Variants in PSMB4 observed in about 807,000 individuals in gnomAD.
The protein encoded by PSMB4 is proteasome subunit beta type-4.
In PSMB4, 16 loss-of-function variants were observed where a neutral mutation model predicts 35.2. The ratio of observed to expected loss-of-function variants is 0.45; its 90% CI spans 0.31 to 0.69. The LOEUF is 0.69. Ranked by LOEUF, PSMB4 falls within the 30% of genes least tolerant of loss-of-function variation. The pLI is 0.06. For synonymous variants in PSMB4, 144 were observed against 134.1 expected (o/e 1.07, Z -0.51); for missense variants, 333 against 351.8 (o/e 0.95, Z 0.43).
intron 1 of PSMB4, 125 bp downstream of exon 1, chr1:151,399,852 C>A: frequency 6.4e-7 from 1 of 1,563,532 alleles, no homozygotes; most frequent in South Asian, 1.1e-5. Flanking sequence ...CAGGGGAGCT[C>A]AGGGCGCGGA....
Position 151,400,056 on chromosome 1 carries a change from G to A in PSMB4, c.216G>A (p.Leu72=). ...EGGVVIAADM[L]GSYGSLARFR... Reference sequence around the variant, plus strand: ...GAGTGGTGATTGCCGCAGACATGCTGGGATCCTACGGCTCCTTGGCTCGTT... The same window carrying A: ...GAGTGGTGATTGCCGCAGACATGCTAGGATCCTACGGCTCCTTGGCTCGTT... Residue 72 remains leucine (L), a synonymous_variant, in exon 2 of 7, where the codon CTG becomes CTA. Coordinates refer to ENST00000290541, the MANE Select transcript of PSMB4 (RefSeq NM_002796.3). 1 of 1,614,142 alleles carries A rather than the reference G, an allele frequency of 6.2e-7. No individual in the cohort carries two copies. The highest frequency in any genetic ancestry group is 8.5e-7 in the Non-Finnish European group (1 of 1,180,020).
chr1:151,401,090 T>G, intron 4 of PSMB4, 149 bp from the exon 5 acceptor site: 1 of 812,996 alleles, frequency 1.2e-6, no homozygotes, highest in Non-Finnish European at 2.0e-6. Flanking sequence ...GAAGTGGCTC[T>G]TAGCTTATTT....
Position 151,401,632 on chromosome 1 carries a change from T to C in PSMB4, c.782+2T>C. On this transcript the variant is annotated splice_donor_variant, in intron 6 of 6. Transcript: ENST00000290541. LOFTEE classifies it high-confidence loss of function. ...CTGGGATATTGCCCACATGATCAGG[T>C]GAGTAATAGGGAAAAAATTGGTGAC... 6.2e-7 allele frequency: 1 copy of C among 1,600,164 alleles called. No individual in the cohort carries two copies. Among genetic ancestry groups the C allele is most frequent in the Non-Finnish European group, 8.6e-7 (1 of 1,167,512 alleles).
chr1:151,401,650 T>C lies in PSMB4; in HGVS notation c.782+20T>C, dbSNP rs373666677. On this transcript the variant is annotated intron_variant, in intron 6 of 6. Coordinates refer to ENST00000290541, the MANE Select transcript of PSMB4 (RefSeq NM_002796.3). ...GATCAGGTGAGTAATAGGGAAAAAA[T>C]TGGTGACAGACTTGGGAGGTCTTTG... 144 of 1,582,128 alleles carry C rather than the reference T, an allele frequency of 9.1e-5. 1 individual carries two copies. Among genetic ancestry groups the C allele is most frequent in the South Asian group, 5.0e-4 (45 of 90,340 alleles).
intron 5 of PSMB4, 62 bp downstream of exon 5, chr1:151,401,417 A>G (rs1300888498): frequency 5.1e-6 from 8 of 1,559,770 alleles, no homozygotes; most frequent in African/African-American, 1.4e-5. Context: ...CTGGGTCTCT[A>G]TGCTTTGAAG....
chr1:151,401,557 G>T lies in PSMB4; in HGVS notation c.709G>T (p.Val237Phe), dbSNP rs369317780. 6.2e-7 allele frequency: 1 copy of T among 1,611,664 alleles called. No individual in the cohort carries two copies. Among genetic ancestry groups the T allele is most frequent in the African/African-American group, 1.3e-5 (1 of 74,898 alleles). ...RSYNRFQIAT[V>F]TEKGVEIEGP... ...TTTCTTCCAGTTTCAAATCGCCACTGTCACCGAAAAAGGTGTTGAAATAGA... is the reference window on the plus strand; with the variant it reads ...TTTCTTCCAGTTTCAAATCGCCACTTTCACCGAAAAAGGTGTTGAAATAGA... Residue 237 changes from valine to phenylalanine, a missense_variant, in exon 6 of 7, where the codon GTC (valine) becomes TTC (phenylalanine). Coordinates refer to ENST00000290541, the MANE Select transcript of PSMB4 (RefSeq NM_002796.3).
chr1:151,400,422 C>T lies in PSMB4; in HGVS notation c.348-20C>T. 1 of 1,608,928 alleles carries T rather than the reference C, an allele frequency of 6.2e-7. No homozygotes were observed. Among genetic ancestry groups the T allele is most frequent in the Non-Finnish European group, 8.5e-7 (1 of 1,177,716 alleles). On this transcript the variant is annotated intron_variant, in intron 2 of 6. Coordinates refer to ENST00000290541, the MANE Select transcript of PSMB4 (RefSeq NM_002796.3). ...CCCGACTTAATTCTCTCCCTTTTCT[C>T]ACAACCAATTCCTTTTAAGGATTGA...
chr1:151,400,890 A>T, intron 4 of PSMB4, 45 bp downstream of exon 4: 1 of 1,542,046 alleles, frequency 6.5e-7, no homozygotes. Context: ...GACAAAAGGA[A>T]ATGGATTAGT....
intron 4 of PSMB4, 27 bp downstream of exon 4, chr1:151,400,872 A>G (rs1404411419): frequency 6.3e-7 from 1 of 1,589,042 alleles, no homozygotes; most frequent in Non-Finnish European, 8.6e-7. Flanking sequence ...GAGGTGGGGG[A>G]AAGGGAAGAC....
At chr1:151,401,481 C>G (rs1427361160) in intron 5 of PSMB4, 61 bp from the exon 6 acceptor site, 3 of 1,527,510 alleles carry the variant, frequency 2.0e-6, no homozygotes, top group South Asian at 1.1e-5. Flanking sequence ...AAGACCTCCA[C>G]CTGACCTTTC....
chr1:151,401,664 G>T (rs769409182), intron 6 of PSMB4, 34 bp downstream of exon 6: 10 of 1,565,870 alleles, frequency 6.4e-6, no homozygotes, highest in Middle Eastern at 1.7e-4. Context: ...TGACAGACTT[G>T]GGAGGTCTTT....
chr1:151,401,378 A>G lies in PSMB4; in HGVS notation c.693+23A>G, dbSNP rs1168929813. 1.9e-6 allele frequency: 3 copies of G among 1,610,168 alleles called. No individual in the cohort carries two copies. The African/African-American group carries it at 4.0e-5, about 22-fold the overall frequency. ...CGGGTGAGGGATGTGCTGGGAACCTAATTGGCGGGCTCTGGCTACTTGCAA... is the reference window on the plus strand; with the variant it reads ...CGGGTGAGGGATGTGCTGGGAACCTGATTGGCGGGCTCTGGCTACTTGCAA... On this transcript the variant is annotated intron_variant, in intron 5 of 6. Coordinates refer to ENST00000290541, the MANE Select transcript of PSMB4 (RefSeq NM_002796.3).
Position 151,399,656 on chromosome 1 carries a change from C to T in PSMB4, c.69C>T (p.Arg23=), listed in dbSNP as rs1309086439. 2 of 1,614,200 alleles carry T rather than the reference C, an allele frequency of 1.2e-6. No homozygotes were observed. The highest frequency in any genetic ancestry group is 3.3e-5 in the Admixed American group (2 of 60,030). Residue 23 remains arginine (R), a synonymous_variant, in exon 1 of 7, where the codon CGC becomes CGT. Transcript: ENST00000290541. The part of the protein sequence containing the change: ...AGGPAPGQFY[R]IPSTPDSFMD... ...GTCCGGCCCCAGGACAGTTTTACCGCATTCCGTCCACTCCCGATTCCTTCA... is the reference window on the plus strand; with the variant it reads ...GTCCGGCCCCAGGACAGTTTTACCGTATTCCGTCCACTCCCGATTCCTTCA...
chr1:151,401,591 T>C lies in PSMB4; in HGVS notation c.743T>C (p.Leu248Ser). ...TEKGVEIEGP[L>S]STETNWDIAH... ...AAAGGTGTTGAAATAGAGGGACCATTGTCTACAGAGACCAACTGGGATATT... is the reference window on the plus strand; with the variant it reads ...AAAGGTGTTGAAATAGAGGGACCATCGTCTACAGAGACCAACTGGGATATT... Residue 248 changes from leucine to serine, a missense_variant, in exon 6 of 7, where the codon TTG (leucine) becomes TCG (serine). Physicochemically the swap from Leu to Ser is moderately radical, Grantham distance 145 (BLOSUM62 -2). Coordinates refer to ENST00000290541, the MANE Select transcript of PSMB4 (RefSeq NM_002796.3). The C allele has an allele frequency of 6.2e-7, 1 of 1,612,928 alleles. No individual in the cohort carries two copies. The highest frequency in any genetic ancestry group is 8.5e-7 in the Non-Finnish European group (1 of 1,178,854).
At position 151,399,620 on chromosome 1, in the gene PSMB4, T is replaced by C; in HGVS notation, c.33T>C (p.Leu11=). The C allele has an allele frequency of 6.2e-7, 1 of 1,613,916 alleles. No homozygotes were observed. Among genetic ancestry groups the C allele is most frequent in the Non-Finnish European group, 8.5e-7 (1 of 1,179,946 alleles). MEAFLGSRSG[L]WAGGPAPGQF... ...CGTTTTTGGGGTCGCGGTCCGGACTTTGGGCGGGGGGTCCGGCCCCAGGAC... is the reference window on the plus strand; with the variant it reads ...CGTTTTTGGGGTCGCGGTCCGGACTCTGGGCGGGGGGTCCGGCCCCAGGAC... Residue 11 remains leucine, a synonymous_variant, in exon 1 of 7, where the codon CTT becomes CTC. Transcript: ENST00000290541.
rs115066321 is a variant in PSMB4, at chr1:151,399,655, G to A, written c.68G>A (p.Arg23His). The change falls in exon 1 of 7, where the codon CGC (arginine) becomes CAC (histidine). Residue 23 changes from arginine to histidine, a missense_variant. Coordinates refer to ENST00000290541, the MANE Select transcript of PSMB4 (RefSeq NM_002796.3). ...AGGPAPGQFYRIPSTPDSFMD... is the reference protein window; with the variant it reads ...AGGPAPGQFYHIPSTPDSFMD... Reference sequence around the variant, plus strand: ...GGTCCGGCCCCAGGACAGTTTTACCGCATTCCGTCCACTCCCGATTCCTTC... The same window carrying A: ...GGTCCGGCCCCAGGACAGTTTTACCACATTCCGTCCACTCCCGATTCCTTC... 34 of 1,614,138 alleles carry A rather than the reference G, an allele frequency of 2.1e-5. No homozygotes were observed. In the African/African-American group the frequency reaches 2.4e-4, roughly 11 times the overall value.
rs2102121176 is a variant in PSMB4, at chr1:151,399,692, G to C, written c.105G>C (p.Ala35=). 1.9e-6 allele frequency: 3 copies of C among 1,614,136 alleles called. No homozygotes were observed. Among genetic ancestry groups the C allele is most frequent in the Non-Finnish European group, 1.7e-6 (2 of 1,180,034 alleles). Residue 35 remains alanine (A), a synonymous_variant, in exon 1 of 7, where the codon GCG becomes GCC. Coordinates refer to ENST00000290541, the MANE Select transcript of PSMB4 (RefSeq NM_002796.3). ...CTCCCGATTCCTTCATGGATCCGGC[G>C]TCTGCACTTTACAGAGGTCCAATCA... ...PSTPDSFMDP[A]SALYRGPITR...
chr1:151,399,777 G>C, intron 1 of PSMB4, 50 bp downstream of exon 1: 2 of 1,611,402 alleles, frequency 1.2e-6, no homozygotes, highest in East Asian at 2.2e-5. Context: ...CGTGGGGCCT[G>C]GTGCTGCCGG....
Position 151,400,230 on chromosome 1 carries a change from G to C in PSMB4, c.347+43G>C, listed in dbSNP as rs1652766062. Reference sequence around the variant, plus strand: ...CAGGAGAGTGGTTCCCAAGTAGAGAGGGGAGTCCCCTGTTTTTTATTCCCT... The same window carrying C: ...CAGGAGAGTGGTTCCCAAGTAGAGACGGGAGTCCCCTGTTTTTTATTCCCT... On this transcript the variant is annotated intron_variant, in intron 2 of 6. Transcript: ENST00000290541. The C allele has an allele frequency of 2.5e-6, 4 of 1,592,068 alleles. No individual in the cohort carries two copies. In the Admixed American group the frequency reaches 6.7e-5, roughly 27 times the overall value.
Sources: gnomAD v4.1 joint callset for allele counts on GRCh38, gnomAD v4.1.1 for gene constraint, MANE v1.5 for transcripts, NCBI Gene and HGNC (gene_info 2026-07-23, HGNC 2026-07-21) for gene names.